The following SCGB2B2 variants were observed in gnomAD, a reference collection of about 807,000 sequenced individuals.
The protein encoded by SCGB2B2 is secretoglobin-like protein.
Under a neutral mutation model 7.6 loss-of-function variants are expected in SCGB2B2, and 11 were observed. That is an observed-to-expected ratio of 1.45 (90% CI 0.91 to 2.40). The LOEUF (loss-of-function observed/expected upper bound fraction) is 2.40. Among genes scored for constraint, SCGB2B2 ranks in the 30% most tolerant of loss-of-function variants. The pLI, the probability that SCGB2B2 is intolerant of heterozygous loss-of-function variation, is 0.00. For synonymous variants in SCGB2B2, 50 were observed against 48.6 expected (o/e 1.03, Z -0.12); for missense variants, 104 against 115.4 (o/e 0.90, Z 0.45).
intron 1 of SCGB2B2, among the ~76,000 whole-genome samples, chr19:34,609,445 T>C (rs571229892): frequency 1.3e-5 from 2 of 152,094 alleles, no homozygotes; most frequent in African/African-American, 2.4e-5. Flanking sequence ...AGTAGTTTCA[T>C]AGTTTCTGCT....
intron 1 of SCGB2B2, among the ~76,000 whole-genome samples, chr19:34,603,079 C>T (rs1175965370): frequency 6.6e-6 from 1 of 152,178 alleles, no homozygotes; most frequent in Non-Finnish European, 1.5e-5. Context: ...AATTAGAGGA[C>T]TGCATGGCCA....
intron 1 of SCGB2B2, chr19:34,635,700 A>G (rs733998): frequency 0.096 from 17,558 of 181,994 alleles, 1,009 homozygotes; most frequent in South Asian, 0.19. Flanking sequence ...CCCTTCTCCA[A>G]TGTGAAAGGC....
chr19:34,635,908 G>A (rs949186657), intron 1 of SCGB2B2, among the ~76,000 whole-genome samples: 2 of 152,238 alleles, frequency 1.3e-5, no homozygotes, highest in Non-Finnish European at 2.9e-5. Flanking sequence ...GCTAGGGGGT[G>A]TCTGTACTGA....
At chr19:34,669,099 C>G (rs1391665482) in intron 1 of SCGB2B2, among the ~76,000 whole-genome samples, 1 of 152,116 alleles carries the variant, frequency 6.6e-6, no homozygotes, top group Non-Finnish European at 1.5e-5. Flanking sequence ...CTGAAGCCAG[C>G]GAGACCACGA....
chr19:34,668,194 G>A (rs1012030030), intron 1 of SCGB2B2, among the ~76,000 whole-genome samples: 8 of 152,210 alleles, frequency 5.3e-5, no homozygotes, highest in African/African-American at 1.9e-4. Context: ...AGGTCTGGAG[G>A]GAGAGGCGCG....
chr19:34,667,433 G>A (rs564961454), intron 1 of SCGB2B2, among the ~76,000 whole-genome samples: 1 of 152,188 alleles, frequency 6.6e-6, no homozygotes, highest in South Asian at 2.1e-4. Context: ...CCTGGGCCCG[G>A]GGCCCCACCC....
chr19:34,601,001 A>C (rs1477374353), intron 1 of SCGB2B2, among the ~76,000 whole-genome samples: 1 of 152,104 alleles, frequency 6.6e-6, no homozygotes, highest in East Asian at 1.9e-4. Context: ...TTACATAAAG[A>C]GTTGTAAAGT....
intron 1 of SCGB2B2, among the ~76,000 whole-genome samples, chr19:34,674,844 T>G (rs1309159045): frequency 1.3e-5 from 2 of 152,206 alleles, no homozygotes; most frequent in Non-Finnish European, 2.9e-5. Context: ...AGAAAACACA[T>G]TCAGTTACTA....
At chr19:34,629,262 C>T in intron 1 of SCGB2B2, among the ~76,000 whole-genome samples, 1 of 151,914 alleles carries the variant, frequency 6.6e-6, no homozygotes, top group Non-Finnish European at 1.5e-5. Flanking sequence ...GTTGGAAGTT[C>T]TGGCCAGGGC....
intron 1 of SCGB2B2, among the ~76,000 whole-genome samples, chr19:34,599,623 C>T (rs980628207): frequency 6.6e-6 from 1 of 152,112 alleles, no homozygotes; most frequent in Non-Finnish European, 1.5e-5. Flanking sequence ...CTAGGTGCCT[C>T]CCACACATGT....
chr19:34,642,998 G>A (rs1226654992), intron 1 of SCGB2B2, among the ~76,000 whole-genome samples: 1 of 152,124 alleles, frequency 6.6e-6, no homozygotes, highest in East Asian at 1.9e-4. Flanking sequence ...AAAACAGTAT[G>A]GACATTTCTC....
At chr19:34,609,850 T>G (rs1372969951) in intron 1 of SCGB2B2, among the ~76,000 whole-genome samples, 3 of 152,094 alleles carry the variant, frequency 2.0e-5, no homozygotes, top group African/African-American at 7.2e-5. Context: ...TTTTTCTACC[T>G]CTGTGAAGAT....
intron 1 of SCGB2B2, among the ~76,000 whole-genome samples, chr19:34,598,774 T>G (rs1299172668): frequency 2.0e-5 from 3 of 152,192 alleles, no homozygotes; most frequent in Non-Finnish European, 4.4e-5. Flanking sequence ...GGCTGGTGTC[T>G]AAGATGAAGT....
At chr19:34,600,745 T>G (rs896502581) in intron 1 of SCGB2B2, among the ~76,000 whole-genome samples, 1 of 152,210 alleles carries the variant, frequency 6.6e-6, no homozygotes, top group Non-Finnish European at 1.5e-5. Context: ...TCTGACTGAT[T>G]TGTAGGCGTT....
chr19:34,660,446 C>A (rs1044244391), intron 1 of SCGB2B2, among the ~76,000 whole-genome samples: 1 of 152,092 alleles, frequency 6.6e-6, no homozygotes, highest in Non-Finnish European at 1.5e-5. Context: ...AAGAAAAAAG[C>A]AAACAACCCC....
At chr19:34,625,871 G>A (rs1481459281) in intron 1 of SCGB2B2, among the ~76,000 whole-genome samples, 1 of 152,218 alleles carries the variant, frequency 6.6e-6, no homozygotes. Flanking sequence ...GCACCCACCA[G>A]TAGGGGCAGT....
rs181004952 is a variant in SCGB2B2 at position 34,644,562 on chromosome 19, C to G, written c.-2032+31068G>C. Among the ~76,000 whole-genome samples, 29 of 152,240 alleles carry G rather than the reference C, an allele frequency of 1.9e-4. 1 individual carries two copies. Among genetic ancestry groups the G allele is most frequent in the Middle Eastern group, 6.8e-3 (2 of 294 alleles). On this transcript the variant is annotated intron_variant, in intron 1 of 3. Transcript: ENST00000601241. ...AACTCCCCAGGCTCTGCCCTGCCCC[C>G]TTGTAACCTCTCTTCTACTTTTGTT...
chr19:34,604,968 T>C (rs2065738399), intron 1 of SCGB2B2, among the ~76,000 whole-genome samples: 1 of 152,232 alleles, frequency 6.6e-6, no homozygotes, highest in Non-Finnish European at 1.5e-5. Flanking sequence ...ACAATCAAAA[T>C]ATGAACAGAT....
At chr19:34,641,953 T>C (rs1204615837) in intron 1 of SCGB2B2, among the ~76,000 whole-genome samples, 1 of 151,998 alleles carries the variant, frequency 6.6e-6, no homozygotes, top group Non-Finnish European at 1.5e-5. Flanking sequence ...TCAATCTTCC[T>C]CATGTCAGTG....
Sources: gnomAD v4.1 joint callset for allele counts (sites outside exome capture counted in the v4.1 genomes callset) on GRCh38, gnomAD v4.1.1 for gene constraint, MANE v1.5 for transcripts, NCBI Gene and HGNC (gene_info 2026-07-23, HGNC 2026-07-21) for gene names.